EIF4A2: variants seen among roughly 807,000 people sequenced by gnomAD.
EIF4A2 encodes the protein eukaryotic initiation factor 4A-II.
In EIF4A2, 9 loss-of-function variants were observed where a neutral mutation model predicts 50.6. The ratio of observed to expected loss-of-function variants is 0.18; its 90% CI spans 0.11 to 0.31. The LOEUF (loss-of-function observed/expected upper bound fraction) is 0.31. EIF4A2 is among the 10% of genes least tolerant of loss of function. The probability of loss-of-function intolerance (pLI) is 1.00; values close to 1 mark genes in which losing one functional copy is unlikely to be tolerated. For missense variants in EIF4A2, 182 were observed against 501.8 expected (o/e 0.36, Z 6.09); for synonymous variants, 215 against 164.4 (o/e 1.31, Z -2.35).
At chr3:186,783,690 A>AG (rs1560082842) in intron 1 of EIF4A2, 51 bp downstream of exon 1, 6 of 1,613,834 alleles carry the variant, frequency 3.7e-6, no homozygotes, top group Non-Finnish European at 5.1e-6. Flanking sequence ...ATAGGGCGCC[A>AG]GGGGAGATGA....
chr3:186,788,913 T>A (rs1721954199), intron 10 of EIF4A2: 1 of 561,256 alleles, frequency 1.8e-6, no homozygotes, highest in Non-Finnish European at 2.9e-6. Context: ...AAAATCTCAT[T>A]TTGCAGCCAG....
At chr3:186,788,141 C>G (rs17299991) in intron 10 of EIF4A2, 9 of 662,656 alleles carry the variant, frequency 1.4e-5, no homozygotes, top group African/African-American at 1.9e-5. Context: ...TAGTGATGTT[C>G]TTGTGTCCAT....
intron 9 of EIF4A2, 62 bp from the exon 10 acceptor site, chr3:186,787,739 TGG>T (rs1721827186): frequency 5.0e-6 from 8 of 1,604,494 alleles, no homozygotes; most frequent in Non-Finnish European, 6.8e-6. Flanking sequence ...TACTATTTTG[TGG>T]CCTACATGAC....
At chr3:186,788,314 CGA>C in intron 10 of EIF4A2, 2 of 1,289,506 alleles carry the variant, frequency 1.6e-6, no homozygotes, top group Non-Finnish European at 2.0e-6. Context: ...ATACAGGAGT[CGA>C]TAGCAGCAGT....
chr3:186,786,067 A>AAG lies in EIF4A2; in HGVS notation c.517+21_517+22dup. On this transcript the variant is annotated intron_variant, in intron 5 of 10. Coordinates refer to ENST00000323963, the MANE Select transcript of EIF4A2 (RefSeq NM_001967.4). Reference sequence around the variant, plus strand: ...AGATACCTTTGTAAGTATTGTCTTTAAGAGAGTATTTTTTTTAAAACTGTT... The same window carrying AAG: ...AGATACCTTTGTAAGTATTGTCTTTAAGAGAGAGTATTTTTTTTAAAACTGTT... The AAG allele has an allele frequency of 6.2e-7, 1 of 1,601,320 alleles. No homozygotes were observed. The highest frequency in any genetic ancestry group is 8.6e-7 in the Non-Finnish European group (1 of 1,169,496).
At chr3:186,788,978 T>A in intron 10 of EIF4A2, 147 bp from the exon 11 acceptor site, 3 of 1,145,650 alleles carry the variant, frequency 2.6e-6, no homozygotes, top group Non-Finnish European at 3.6e-6. Context: ...TTTCTCTAGA[T>A]ATGCATTAGC....
Position 186,784,369 on chromosome 3 carries a change from G to T in EIF4A2, c.30-63G>T, listed in dbSNP as rs1442218491. The T allele has an allele frequency of 1.9e-6, 3 of 1,613,122 alleles. No individual in the cohort carries two copies. In the South Asian group the frequency reaches 3.3e-5, roughly 18 times the overall value. ...GCTGAGACGGGTTGCAAAGGGCTAT[G>T]CGCTTAAGGTGCAGTTGAGGTGGCC... is the stretch of plus-strand genomic sequence containing the variant. On this transcript the variant is annotated intron_variant, in intron 1 of 10. Transcript: ENST00000323963.
chr3:186,785,721 C>T (rs1721664278), intron 4 of EIF4A2, 162 bp from the exon 5 acceptor site: 3 of 854,570 alleles, frequency 3.5e-6, no homozygotes, highest in Non-Finnish European at 5.2e-6. Context: ...GGGAATTTTA[C>T]CTTGCAGCAG....
intron 6 of EIF4A2, 114 bp from the exon 7 acceptor site, chr3:186,786,388 T>TG: frequency 6.6e-7 from 1 of 1,526,548 alleles, no homozygotes; most frequent in East Asian, 2.3e-5. Context: ...AAGCACTTGA[T>TG]GCATAACTCT....
intron 7 of EIF4A2, 79 bp from the exon 8 acceptor site, chr3:186,787,048 T>C: frequency 6.3e-7 from 1 of 1,586,810 alleles, no homozygotes; most frequent in Non-Finnish European, 8.6e-7. Context: ...ATTAGCACTG[T>C]GGCTGGCCCA....
In EIF4A2 at chr3:186,787,259, G is replaced by A; in HGVS notation, c.904G>A (p.Ala302Thr). 6.2e-7 allele frequency: 1 copy of A among 1,614,088 alleles called. No individual in the cohort carries two copies. Among genetic ancestry groups the A allele is most frequent in the Non-Finnish European group, 8.5e-7 (1 of 1,179,976 alleles). Residue 302 changes from alanine to threonine, a missense_variant, in exon 8 of 11, where the codon GCT (alanine) becomes ACT (threonine). Physicochemically the swap from Ala to Thr is moderately conservative, Grantham distance 58. Transcript: ENST00000323963. ...KMHARDFTVSALHGDMDQKER... is the reference protein window; with the variant it reads ...KMHARDFTVSTLHGDMDQKER... ...GCATGCCAGAGACTTCACAGTTTCT[G>A]CTCTGGTAAGAGGTGTTCTAAAATG... is the stretch of plus-strand genomic sequence containing the variant.
chr3:186,788,056 CTTGTAAACA>C (rs1721859370), intron 10 of EIF4A2, 174 bp downstream of exon 10: 4 of 789,390 alleles, frequency 5.1e-6, no homozygotes, highest in Non-Finnish European at 7.9e-6. Flanking sequence ...AGTGGGAAAA[CTTGTAAACA>C]TTGCCCAGAT....
chr3:186,785,797 G>A, intron 4 of EIF4A2, 86 bp from the exon 5 acceptor site: 1 of 1,505,184 alleles, frequency 6.6e-7, no homozygotes, highest in South Asian at 1.3e-5. Flanking sequence ...GCTGTTGGCA[G>A]ACCAGATTAT....
Position 186,785,895 on chromosome 3 carries a change from A to C in EIF4A2, c.361A>C (p.Ile121Leu). Residue 121 changes from isoleucine (I) to leucine (L), a missense_variant, in exon 5 of 11, where the codon ATT becomes CTT. Transcript: ENST00000323963. Reference sequence around the variant, plus strand: ...GCTTGGGTTTTAGATCCAAAAGGTAATTCTGGCACTTGGAGACTATATGGG... The same window carrying C: ...GCTTGGGTTTTAGATCCAAAAGGTACTTCTGGCACTTGGAGACTATATGGG... ...RELAQQIQKV[I>L]LALGDYMGAT... 6.3e-7 allele frequency: 1 copy of C among 1,589,448 alleles called. No homozygotes were observed. Among genetic ancestry groups the C allele is most frequent in the Non-Finnish European group, 8.6e-7 (1 of 1,160,324 alleles).
In EIF4A2 at chr3:186,783,941, C is replaced by T. The variant is rs1579154093; in HGVS notation, c.29+302C>T. 5 of 493,314 alleles carry T rather than the reference C, an allele frequency of 1.0e-5. No individual in the cohort carries two copies. In the East Asian group the frequency reaches 1.4e-4, roughly 14 times the overall value. The allele number at this position is 493,314 out of a possible 1,614,324, so 30.6% of individuals were successfully genotyped here. On this transcript the variant is annotated intron_variant, in intron 1 of 10. Transcript: ENST00000323963. ...TGGAGTAAAAAGCCGTGGCGCAGTC[C>T]GAGTTCGGTACACTGTAACCAGGAC...
At chr3:186,784,919 A>G in intron 3 of EIF4A2, 43 bp from the exon 4 acceptor site, 1 of 1,613,994 alleles carries the variant, frequency 6.2e-7, no homozygotes, top group Non-Finnish European at 8.5e-7. Context: ...TAGAAGTGAC[A>G]ATTTGATGTG....
chr3:186,784,407 C>T (rs1560083451), intron 1 of EIF4A2, 25 bp from the exon 2 acceptor site: 1 of 1,614,172 alleles, frequency 6.2e-7, no homozygotes, highest in South Asian at 1.1e-5. Context: ...GAAGGGGTGT[C>T]TGACTGCAGT....
At chr3:186,786,849 A>G (rs770593023) in intron 7 of EIF4A2, 3 of 886,730 alleles carry the variant, frequency 3.4e-6, no homozygotes, top group South Asian at 2.7e-5. Flanking sequence ...TTGGTGCAAT[A>G]TCTCATTAGA....
chr3:186,786,424 A>G (rs1366529650), intron 6 of EIF4A2, 78 bp from the exon 7 acceptor site: 2 of 1,569,442 alleles, frequency 1.3e-6, no homozygotes, highest in African/African-American at 1.4e-5. Context: ...GTAGTAAGAC[A>G]GAGACGCTTG....
Sources: gnomAD v4.1 joint callset for allele counts on GRCh38, gnomAD v4.1.1 for gene constraint, MANE v1.5 for transcripts, NCBI Gene and HGNC (gene_info 2026-07-23, HGNC 2026-07-21) for gene names.